The following RAVER2 variants were observed in gnomAD, a reference collection of about 807,000 sequenced individuals.
The protein encoded by RAVER2 is ribonucleoprotein, PTB binding 2.
Under a neutral mutation model 78.1 loss-of-function variants are expected in RAVER2, and 46 were observed. That is an observed-to-expected ratio of 0.59 (90% CI 0.46 to 0.75). The LOEUF is 0.75. RAVER2 is among the 30% of genes least tolerant of loss of function. The probability of loss-of-function intolerance (pLI) is 0.00; values close to 1 mark genes in which losing one functional copy is unlikely to be tolerated. For missense variants in RAVER2, 793 were observed against 837.5 expected (o/e 0.95, Z 0.66); for synonymous variants, 311 against 313.3 (o/e 0.99, Z 0.08).
chr1:64,807,292 G>C lies in RAVER2; in HGVS notation c.1498G>C (p.Ala500Pro), dbSNP rs747862018. Residue 500 changes from alanine (A) to proline (P), a missense_variant, in exon 9 of 12, where the codon GCT (alanine) becomes CCT (proline). Physicochemically the swap from Ala to Pro is conservative, Grantham distance 27. Coordinates refer to ENST00000294428, the Ensembl canonical transcript of RAVER2. ...TCCAAATCAGCACATTGCTGGACAG[G>C]CTGGGCCAGGGCACAGTAATACTCA... The C allele has an allele frequency of 1.9e-6, 3 of 1,614,062 alleles. No individual in the cohort carries two copies. In the African/African-American group the frequency reaches 4.0e-5, roughly 22 times the overall value.
chr1:64,776,883 G>A (rs187371195), intron 2 of RAVER2, among the ~76,000 whole-genome samples: 19 of 152,184 alleles, frequency 1.2e-4, no homozygotes, highest in East Asian at 9.6e-4. Flanking sequence ...TATATAAGCC[G>A]TCATATGCAT....
At chr1:64,789,831 T>A (rs1309354423) in intron 5 of RAVER2, among the ~76,000 whole-genome samples, 1 of 152,202 alleles carries the variant, frequency 6.6e-6, no homozygotes, top group Non-Finnish European at 1.5e-5. Flanking sequence ...TACATTGTTA[T>A]AACCTATATT....
chr1:64,793,561 CTTTA>C (rs1486941448), intron 5 of RAVER2, among the ~76,000 whole-genome samples: 1 of 152,070 alleles, frequency 6.6e-6, no homozygotes, highest in Non-Finnish European at 1.5e-5. Context: ...TTTTAAACAG[CTTTA>C]TTGAGGAATA....
intron 6 of RAVER2, 97 bp downstream of exon 6, chr1:64,803,158 T>C: frequency 2.1e-6 from 2 of 931,184 alleles, no homozygotes. Context: ...TAAATGAGTA[T>C]TTTGCTTTTA....
chr1:64,794,938 T>C (rs1205387543), intron 5 of RAVER2, among the ~76,000 whole-genome samples: 1 of 152,164 alleles, frequency 6.6e-6, no homozygotes, highest in Non-Finnish European at 1.5e-5. Flanking sequence ...GAGAAAGTTT[T>C]ATAATTTTTA....
rs568874909 is a variant in RAVER2 at position 64,780,006 on chromosome 1, A to G, written c.787-1374A>G. On this transcript the variant is annotated intron_variant, in intron 3 of 11. Transcript: ENST00000294428. ...CTACTGATGCCGTGGACTTAAAATG[A>G]TTTTGTTTTTTGAAAGACTTAAAAT... Among the ~76,000 whole-genome samples the G allele has an allele frequency of 5.5e-4, 83 of 152,106 alleles. 1 individual carries two copies. In the Middle Eastern group the frequency reaches 0.02, roughly 37 times the overall value.
intron 11 of RAVER2, among the ~76,000 whole-genome samples, chr1:64,825,640 C>T (rs1452088006): frequency 6.6e-6 from 1 of 152,138 alleles, no homozygotes; most frequent in Non-Finnish European, 1.5e-5. Flanking sequence ...CCAATTCTTA[C>T]GATGGCTTTG....
chr1:64,755,408 T>G (rs1651824085), intron 1 of RAVER2, among the ~76,000 whole-genome samples: 1 of 152,192 alleles, frequency 6.6e-6, no homozygotes, highest in Non-Finnish European at 1.5e-5. Flanking sequence ...TGAGACTTAC[T>G]GTTTAACTTT....
intron 1 of RAVER2, among the ~76,000 whole-genome samples, chr1:64,755,875 T>C (rs1480820549): frequency 6.6e-6 from 1 of 151,948 alleles, no homozygotes; most frequent in African/African-American, 2.4e-5. Flanking sequence ...AAAGAATGTT[T>C]TCCCCCTGAA....
chr1:64,761,982 G>A (rs957568236), intron 1 of RAVER2, among the ~76,000 whole-genome samples: 6 of 152,092 alleles, frequency 3.9e-5, no homozygotes, highest in African/African-American at 1.2e-4. Flanking sequence ...CCTAGTGGTG[G>A]CACATGCCTG....
intron 8 of RAVER2, among the ~76,000 whole-genome samples, chr1:64,805,952 A>T (rs1653406340): frequency 6.6e-6 from 1 of 152,186 alleles, no homozygotes; most frequent in East Asian, 1.9e-4. Flanking sequence ...ATTAACTAAT[A>T]AATTATTTGC....
intron 5 of RAVER2, among the ~76,000 whole-genome samples, chr1:64,799,886 TC>T (rs1653210690): frequency 6.6e-6 from 1 of 152,184 alleles, no homozygotes; most frequent in African/African-American, 2.4e-5. Context: ...GTAAGAGAGT[TC>T]CCTTTTTTCC....
At chr1:64,810,885 T>C (rs1262781301) in intron 9 of RAVER2, among the ~76,000 whole-genome samples, 9 of 152,094 alleles carry the variant, frequency 5.9e-5, no homozygotes, top group Admixed American at 2.0e-4. Context: ...CCAAGAAATA[T>C]AGTGGGAAAT....
In RAVER2 at chr1:64,781,634, C is replaced by T. The variant is rs1652631895; in HGVS notation, c.978+63C>T. 5.5e-6 allele frequency: 8 copies of T among 1,446,352 alleles called. No homozygotes were observed. The South Asian group carries it at 1.2e-4, about 21-fold the overall frequency. The allele number at this position is 1,446,352 out of a possible 1,614,324, so 89.6% of individuals were successfully genotyped here. ...TAGAAAATTCTAATACTATTTTAAT[C>T]TATCCAGTCTAGCCAAAGTAATTGA... On this transcript the variant is annotated intron_variant, in intron 4 of 11. Transcript: ENST00000294428.
intron 1 of RAVER2, among the ~76,000 whole-genome samples, chr1:64,762,882 A>T (rs1223779844): frequency 6.6e-6 from 1 of 152,226 alleles, no homozygotes; most frequent in Non-Finnish European, 1.5e-5. Flanking sequence ...TATATGATAG[A>T]TGGGACTTTG....
At chr1:64,821,557 ACT>A (rs1327588039) in intron 11 of RAVER2, among the ~76,000 whole-genome samples, 11 of 152,144 alleles carry the variant, frequency 7.2e-5, no homozygotes, top group Non-Finnish European at 1.5e-4. Flanking sequence ...CCTTGTTGAA[ACT>A]CTGTTGGAAC....
chr1:64,789,400 C>A, exon 5 of RAVER2: 1 of 1,607,232 alleles, frequency 6.2e-7, no homozygotes, highest in South Asian at 1.1e-5. Context: ...GCACAGTAAT[C>A]AAAAGGGCTT....
chr1:64,760,163 C>T (rs745856656), intron 1 of RAVER2, among the ~76,000 whole-genome samples: 3 of 150,966 alleles, frequency 2.0e-5, no homozygotes, highest in Non-Finnish European at 2.9e-5. Context: ...TTGAGAGGTT[C>T]AGTGGCTGGA....
intron 1 of RAVER2, among the ~76,000 whole-genome samples, chr1:64,759,408 A>AC (rs1456846361): frequency 6.7e-6 from 1 of 149,878 alleles, no homozygotes. Context: ...TTTAGTAGAG[A>AC]TGGGGTTTCA....
Sources: allele counts gnomAD v4.1 joint callset (sites outside exome capture counted in the v4.1 genomes callset), GRCh38; gene constraint gnomAD v4.1.1; transcripts MANE v1.5; gene names NCBI Gene and HGNC (gene_info 2026-07-23, HGNC 2026-07-21).